Variants in ANGPT1 observed in about 807,000 individuals in gnomAD.
The protein encoded by ANGPT1 is angiopoietin 1, also known as angiopoietin-1.
Under a neutral mutation model 62.2 loss-of-function variants are expected in ANGPT1, and 17 were observed. That is an observed-to-expected ratio of 0.27 (90% CI 0.19 to 0.41). The LOEUF (loss-of-function observed/expected upper bound fraction) is 0.41. ANGPT1 is among the 10% of genes least tolerant of loss of function. The pLI is 1.00. For missense variants in ANGPT1, 478 were observed against 594.9 expected, an observed-to-expected ratio of 0.80 and a Z score of 2.04; for synonymous variants, 199 against 198.9, an observed-to-expected ratio of 1.00 and a Z score of 0.00.
At chr8:107,452,504 A>AT (rs138200312) in intron 1 of ANGPT1, among the ~76,000 whole-genome samples, 4 of 150,698 alleles carry the variant, frequency 2.7e-5, no homozygotes, top group South Asian at 2.1e-4. Flanking sequence ...TTTTATTTTT[A>AT]TTTTTTTTGA....
chr8:107,465,694 G>T (rs1812180917), intron 1 of ANGPT1, among the ~76,000 whole-genome samples: 1 of 152,090 alleles, frequency 6.6e-6, no homozygotes, highest in African/African-American at 2.4e-5. Flanking sequence ...CATCCCTCAA[G>T]ATTATAGCCA....
intron 3 of ANGPT1, among the ~76,000 whole-genome samples, chr8:107,327,790 G>A (rs1007857975): frequency 3.9e-5 from 6 of 152,044 alleles, no homozygotes; most frequent in African/African-American, 1.4e-4. Context: ...TCTATTTGAG[G>A]CAGAGGTGCA....
chr8:107,464,956 A>G (rs993820946), intron 1 of ANGPT1, among the ~76,000 whole-genome samples: 1 of 152,126 alleles, frequency 6.6e-6, no homozygotes, highest in African/African-American at 2.4e-5. Flanking sequence ...GGTTTTCCAG[A>G]GGAGCCGATA....
intron 6 of ANGPT1, among the ~76,000 whole-genome samples, chr8:107,287,610 GT>G (rs1554578952): frequency 6.6e-6 from 1 of 152,128 alleles, no homozygotes; most frequent in Non-Finnish European, 1.5e-5. Flanking sequence ...TGAAAAATAC[GT>G]GAAAGAAGGG....
At chr8:107,292,847 T>G (rs1002234312) in intron 6 of ANGPT1, among the ~76,000 whole-genome samples, 5 of 152,184 alleles carry the variant, frequency 3.3e-5, no homozygotes, top group Admixed American at 6.5e-5. Flanking sequence ...TGCAAGAATA[T>G]CAAGACAGAA....
At chr8:107,468,263 A>C (rs946357759) in intron 1 of ANGPT1, among the ~76,000 whole-genome samples, 35 of 152,022 alleles carry the variant, frequency 2.3e-4, no homozygotes, top group Non-Finnish European at 1.3e-4. Context: ...TCCATTCAAC[A>C]TTTGGGGTTA....
Position 107,250,272 on chromosome 8 carries a change from T to C in ANGPT1, c.*1583A>G, listed in dbSNP as rs187668099. ...GTTTACTGTCATAACCTTGGACACT[T>C]ACAGGCAGAGAAGACTTCTTGATAA... On this transcript the variant is annotated 3_prime_UTR_variant, in exon 9 of 9. Transcript: ENST00000517746. 1 of 152,268 alleles carries C rather than the reference T, an allele frequency of 6.6e-6. No individual in the cohort carries two copies. Among genetic ancestry groups the C allele is most frequent in the East Asian group, 1.9e-4 (1 of 5,180 alleles). 9.4% of individuals were successfully genotyped at this position (152,268 alleles called of 1,614,324 possible). A position where few individuals can be genotyped will look rare whatever the true frequency, so the allele number is the denominator to read the frequency against.
chr8:107,274,799 T>C (rs1307593638), intron 7 of ANGPT1, among the ~76,000 whole-genome samples: 2 of 152,146 alleles, frequency 1.3e-5, no homozygotes, highest in Non-Finnish European at 2.9e-5. Flanking sequence ...CAAAAAAACC[T>C]TGTCAATATG....
chr8:107,432,943 G>A (rs572292814), intron 1 of ANGPT1, among the ~76,000 whole-genome samples: 4 of 152,036 alleles, frequency 2.6e-5, no homozygotes, highest in Admixed American at 2.6e-4. Flanking sequence ...ATTCATTCCA[G>A]TTTGCAATTT....
Position 107,264,367 on chromosome 8 carries a change from A to C in ANGPT1, c.1206-16T>G, listed in dbSNP as rs1813566266. On this transcript the variant is annotated splice_polypyrimidine_tract_variant and intron_variant, in intron 7 of 8. Transcript: ENST00000517746. ...TAAATACAACCTGAAGTCAAAAAGA[A>C]AAAAAAGAAAGATAAGCCATTCGAC... is the stretch of plus-strand genomic sequence containing the variant. 2 of 1,609,430 alleles carry C rather than the reference A, an allele frequency of 1.2e-6. No homozygotes were observed. Among genetic ancestry groups the C allele is most frequent in the African/African-American group, 1.3e-5 (1 of 74,506 alleles).
chr8:107,284,620 C>G (rs1165311428), intron 7 of ANGPT1, 62 bp downstream of exon 7: 1 of 1,286,844 alleles, frequency 7.8e-7, no homozygotes, highest in Non-Finnish European at 1.0e-6. Flanking sequence ...CATATTTTCC[C>G]ACTACAATTA....
chr8:107,297,912 G>A (rs966429520), intron 5 of ANGPT1, among the ~76,000 whole-genome samples: 5 of 151,776 alleles, frequency 3.3e-5, no homozygotes, highest in Non-Finnish European at 7.4e-5. Context: ...AAAATAGATG[G>A]TAGGTTTTAG....
chr8:107,430,409 C>T (rs1445056835), intron 1 of ANGPT1, among the ~76,000 whole-genome samples: 1 of 152,144 alleles, frequency 6.6e-6, no homozygotes, highest in East Asian at 1.9e-4. Flanking sequence ...ATGGCTGACT[C>T]CCAACTATAC....
At chr8:107,353,719 A>T (rs1449335670) in intron 1 of ANGPT1, among the ~76,000 whole-genome samples, 1 of 152,140 alleles carries the variant, frequency 6.6e-6, no homozygotes, top group Non-Finnish European at 1.5e-5. Flanking sequence ...GTCTTAGCAT[A>T]TATGTGGTAA....
intron 1 of ANGPT1, among the ~76,000 whole-genome samples, chr8:107,443,550 G>A (rs982919448): frequency 3.3e-5 from 5 of 151,514 alleles, no homozygotes; most frequent in African/African-American, 9.7e-5. Flanking sequence ...GGCTCACGCC[G>A]GTAATCCCAG....
intron 7 of ANGPT1, among the ~76,000 whole-genome samples, chr8:107,279,172 GATA>G (rs777881289): frequency 5.9e-5 from 9 of 152,140 alleles, no homozygotes; most frequent in Admixed American, 1.3e-4. Context: ...TTTTTAAACT[GATA>G]ATAAACTCTC....
intron 2 of ANGPT1, among the ~76,000 whole-genome samples, chr8:107,339,495 T>C (rs557835718): frequency 6.6e-6 from 1 of 152,300 alleles, no homozygotes; most frequent in African/African-American, 2.4e-5. Context: ...GGCTGATTTC[T>C]TCTCATCATC....
chr8:107,400,705 G>T (rs1002566121), intron 1 of ANGPT1, among the ~76,000 whole-genome samples: 2 of 151,636 alleles, frequency 1.3e-5, no homozygotes, highest in Non-Finnish European at 2.9e-5. Context: ...GACTACAGGG[G>T]CCTGCCACTA....
chr8:107,358,814 T>A (rs1816103445), intron 1 of ANGPT1, among the ~76,000 whole-genome samples: 1 of 152,184 alleles, frequency 6.6e-6, no homozygotes. Context: ...GATCATGAAA[T>A]GTGGATAATA....
Sources: gnomAD v4.1 joint callset for allele counts (sites outside exome capture counted in the v4.1 genomes callset) on GRCh38, gnomAD v4.1.1 for gene constraint, MANE v1.5 for transcripts, NCBI Gene and HGNC (gene_info 2026-07-23, HGNC 2026-07-21) for gene names.